Variants in WDR41 observed in about 807,000 individuals in gnomAD.
WDR41 encodes the protein WD repeat domain 41.
Under a neutral mutation model 69.3 loss-of-function variants are expected in WDR41, and 63 were observed. The ratio of observed to expected loss-of-function variants is 0.91; its 90% CI spans 0.74 to 1.12. The LOEUF is 1.12. WDR41 is among the 50% of genes most tolerant of loss of function. The pLI, the probability that WDR41 is intolerant of heterozygous loss-of-function variation, is 0.00. For synonymous variants in WDR41, 185 were observed against 192.1 expected (o/e 0.96, Z 0.31); for missense variants, 543 against 534.5 (o/e 1.02, Z -0.16).
chr5:77,565,726 C>T (rs1743613497), intron 1 of WDR41, among the ~76,000 whole-genome samples: 2 of 152,100 alleles, frequency 1.3e-5, no homozygotes, highest in African/African-American at 4.8e-5. Flanking sequence ...CATACTCTTC[C>T]CTCTACATTT....
At chr5:77,616,127 T>C (rs1744677303) in intron 1 of WDR41, among the ~76,000 whole-genome samples, 2 of 152,152 alleles carry the variant, frequency 1.3e-5, no homozygotes, top group Admixed American at 6.5e-5. Context: ...CTGTCTTTTT[T>C]TTTTTTAGGT....
chr5:77,525,047 G>A (rs1375605307), intron 1 of WDR41, among the ~76,000 whole-genome samples: 1 of 152,142 alleles, frequency 6.6e-6, no homozygotes, highest in Non-Finnish European at 1.5e-5. Flanking sequence ...CTCAGCCCTA[G>A]TTTTAAAACT....
At chr5:77,434,700 GAAAA>G (rs202142187) in intron 12 of WDR41, among the ~76,000 whole-genome samples, 2 of 150,176 alleles carry the variant, frequency 1.3e-5, no homozygotes, top group South Asian at 2.1e-4. Context: ...CTGTCTCAAA[GAAAA>G]AAAAAGAAAT....
intron 1 of WDR41, chr5:77,546,212 C>T (rs1042882942): frequency 2.4e-6 from 1 of 411,254 alleles, no homozygotes; most frequent in Admixed American, 3.6e-5. Flanking sequence ...TCGTCAAGAC[C>T]CACTCTAGAG....
intron 11 of WDR41, among the ~76,000 whole-genome samples, chr5:77,436,936 A>AGGAAAAGTATGTTT (rs1798958155): frequency 6.6e-6 from 1 of 152,222 alleles, no homozygotes; most frequent in African/African-American, 2.4e-5. Context: ...TAAGCACACA[A>AGGAAAAGTATGTTT]GGAAAAGTAT....
intron 1 of WDR41, among the ~76,000 whole-genome samples, chr5:77,512,035 T>C (rs1355946918): frequency 6.6e-6 from 1 of 152,176 alleles, no homozygotes; most frequent in Non-Finnish European, 1.5e-5. Context: ...TCGTAGCCAG[T>C]ATCTACAGAT....
chr5:77,545,692 A>T, intron 1 of WDR41: 1 of 472,458 alleles, frequency 2.1e-6, no homozygotes, highest in Non-Finnish European at 3.7e-6. Flanking sequence ...TGAGGTTTTA[A>T]AGGTTACGCC....
intron 1 of WDR41, among the ~76,000 whole-genome samples, chr5:77,529,053 A>G (rs1020472571): frequency 3.3e-5 from 5 of 151,556 alleles, no homozygotes; most frequent in African/African-American, 1.2e-4. Context: ...GGCAAGAAAA[A>G]AATTAAAATG....
At chr5:77,520,798 T>C (rs1802359023) in intron 1 of WDR41, among the ~76,000 whole-genome samples, 1 of 152,212 alleles carries the variant, frequency 6.6e-6, no homozygotes, top group African/African-American at 2.4e-5. Context: ...CAGATTATGC[T>C]AGGTATTATT....
At chr5:77,614,633 CT>C (rs1744639433) in intron 1 of WDR41, among the ~76,000 whole-genome samples, 2 of 95,420 alleles carry the variant, frequency 2.1e-5, no homozygotes, top group South Asian at 8.7e-4. Flanking sequence ...ACATCACACT[CT>C]GGGGACTGTT....
At chr5:77,461,710 C>A (rs1441205201) in intron 4 of WDR41, among the ~76,000 whole-genome samples, 1 of 151,820 alleles carries the variant, frequency 6.6e-6, no homozygotes, top group East Asian at 1.9e-4. Context: ...TGGTGGCAGG[C>A]GCCTGTAGTC....
intron 1 of WDR41, among the ~76,000 whole-genome samples, chr5:77,546,969 T>A (rs1743210819): frequency 1.3e-5 from 2 of 152,120 alleles, no homozygotes; most frequent in Non-Finnish European, 2.9e-5. Flanking sequence ...TGGTTTAACA[T>A]ACACAAGTCA....
chr5:77,525,568 C>T lies in WDR41; in HGVS notation c.43-35996G>A, dbSNP rs188309657. On this transcript the variant is annotated intron_variant, in intron 1 of 5. Coordinates refer to the WDR41 transcript ENST00000509971. ...AAAAAAAATGTAAATAGTGGCTGAG[C>T]TGGGTTATTAAATTGGGGTTTAGGG... 1.9e-3 allele frequency among the ~76,000 whole-genome samples: 287 copies of T among 152,198 alleles called. 1 individual carries two copies. The highest frequency in any genetic ancestry group is 6.7e-3 in the African/African-American group (279 of 41,528).
intron 8 of WDR41, among the ~76,000 whole-genome samples, chr5:77,442,816 C>A (rs141147988): frequency 1.2e-3 from 163 of 137,774 alleles, no homozygotes; most frequent in African/African-American, 4.4e-3. Context: ...GACGTGAACC[C>A]GGGAGGCGGA....
At chr5:77,531,404 G>C (rs553211698) in intron 1 of WDR41, among the ~76,000 whole-genome samples, 60 of 151,994 alleles carry the variant, frequency 3.9e-4, no homozygotes, top group African/African-American at 1.4e-3. Context: ...CACATGAAAA[G>C]ATGCTCAACA....
chr5:77,536,652 T>C (rs4484405), intron 1 of WDR41, among the ~76,000 whole-genome samples: 51,789 of 152,082 alleles, frequency 0.34, 8,905 homozygotes, highest in African/African-American at 0.37. Context: ...GTACCTTTTC[T>C]ATGTTTAGGT....
intron 1 of WDR41, among the ~76,000 whole-genome samples, chr5:77,512,745 C>CAAAAAAAAAAAAAAAAAAAAAA (rs71606301): frequency 5.4e-5 from 4 of 74,078 alleles, no homozygotes; most frequent in South Asian, 4.3e-4. Context: ...GACTCCATCT[C>CAAAAAAAAAAAAAAAAAAAAAA]AAAAAAAAAA....
At chr5:77,599,121 GTTT>G (rs35077936) in intron 1 of WDR41, among the ~76,000 whole-genome samples, 19 of 134,698 alleles carry the variant, frequency 1.4e-4, no homozygotes, top group African/African-American at 5.2e-4. Flanking sequence ...TAAAACATAC[GTTT>G]TTTTTTTTTC....
In WDR41 at chr5:77,611,111, G is replaced by C. The variant is rs867309035; in HGVS notation, c.42+9368C>G. On this transcript the variant is annotated intron_variant, in intron 1 of 5. Coordinates refer to the WDR41 transcript ENST00000509971. ...AATTCAACAAGAAGAGCTAACTATC[G>C]TAAATATACATGCACCCAATACAGG... Among the ~76,000 whole-genome samples, 645 of 152,052 alleles carry C rather than the reference G, an allele frequency of 4.2e-3. 6 individuals are homozygous for C. Among genetic ancestry groups the C allele is most frequent in the African/African-American group, 0.015 (612 of 41,454 alleles).
Sources: allele counts gnomAD v4.1 joint callset (sites outside exome capture counted in the v4.1 genomes callset), GRCh38; gene constraint gnomAD v4.1.1; transcripts MANE v1.5; gene names NCBI Gene and HGNC (gene_info 2026-07-23, HGNC 2026-07-21).